The following VPS13A variants were observed in gnomAD, a reference collection of about 807,000 sequenced individuals.
VPS13A encodes the protein vacuolar protein sorting 13 homolog A, also known as intermembrane lipid transfer protein VPS13A.
Under a neutral mutation model 390.9 loss-of-function variants are expected in VPS13A, and 264 were observed. The observed-to-expected ratio is 0.68, with a 90% CI of 0.61 to 0.75. VPS13A has a LOEUF of 0.75. Among genes scored for constraint, VPS13A ranks in the 30% least tolerant of loss-of-function variants. The pLI, the probability that VPS13A is intolerant of heterozygous loss-of-function variation, is 0.00. For synonymous variants in VPS13A, 1,231 were observed against 1,227.1 expected, an observed-to-expected ratio of 1.00 and a Z score of -0.07; for missense variants, 3,409 against 3,733.9, an observed-to-expected ratio of 0.91 and a Z score of 2.27.
At chr9:77,408,462 C>T (rs955426945) in intron 71 of VPS13A, among the ~76,000 whole-genome samples, 6 of 152,158 alleles carry the variant, frequency 3.9e-5, no homozygotes, top group South Asian at 2.1e-4. Flanking sequence ...GTGGGTGCAG[C>T]GCACCGAGCG....
chr9:77,332,426 T>C (rs977039236), intron 46 of VPS13A, among the ~76,000 whole-genome samples: 2 of 149,794 alleles, frequency 1.3e-5, no homozygotes, highest in African/African-American at 5.1e-5. Flanking sequence ...TCTGAATTTA[T>C]ATATACTATT....
intron 58 of VPS13A, among the ~76,000 whole-genome samples, chr9:77,359,903 TCTTGTA>T (rs1038081199): frequency 8.5e-5 from 13 of 152,142 alleles, no homozygotes; most frequent in South Asian, 2.1e-4. Context: ...TTTATTATTC[TCTTGTA>T]CTTGTATTTG....
Position 77,337,309 on chromosome 9 carries a change from TG to T in VPS13A, c.6151del (p.Asp2051ThrfsTer6). On this transcript the variant is annotated frameshift_variant, in exon 47 of 72. Transcript: ENST00000360280. LOFTEE classifies it high-confidence loss of function. ...AGAACTATCAAATGTGTGAAGGAAT[TG>T]ACTTTGAAGAGATTATAAAAAATGA... The part of the protein sequence containing the change: ...DENYQMCEGI[D>X]FEEIIKNDGA... 1.9e-6 allele frequency: 3 copies of T among 1,613,210 alleles called. No homozygotes were observed. The highest frequency in any genetic ancestry group is 2.5e-6 in the Non-Finnish European group (3 of 1,179,670).
chr9:77,224,544 A>G (rs1823399926), intron 13 of VPS13A, among the ~76,000 whole-genome samples: 1 of 152,180 alleles, frequency 6.6e-6, no homozygotes, highest in Non-Finnish European at 1.5e-5. Context: ...GTCACTGCAG[A>G]TGTGGTGGAA....
At chr9:77,199,433 C>T (rs531512091) in intron 1 of VPS13A, among the ~76,000 whole-genome samples, 11 of 152,114 alleles carry the variant, frequency 7.2e-5, no homozygotes, top group Non-Finnish European at 1.6e-4. Context: ...TTCATTAATC[C>T]CATTACCTGT....
At chr9:77,226,814 T>A (rs1206574910) in intron 15 of VPS13A, among the ~76,000 whole-genome samples, 2 of 152,148 alleles carry the variant, frequency 1.3e-5, no homozygotes, top group Non-Finnish European at 2.9e-5. Context: ...AAAAGAGCTT[T>A]ATGCCCAGAG....
intron 67 of VPS13A, among the ~76,000 whole-genome samples, chr9:77,379,212 A>ATG (rs1833291164): frequency 6.7e-6 from 1 of 149,552 alleles, no homozygotes; most frequent in South Asian, 2.1e-4. Context: ...AGCTGGGATT[A>ATG]CAGGCACACA....
intron 23 of VPS13A, among the ~76,000 whole-genome samples, chr9:77,267,792 G>T (rs975397678): frequency 1.3e-5 from 2 of 152,190 alleles, no homozygotes; most frequent in African/African-American, 4.8e-5. Flanking sequence ...CAGGTGCTCC[G>T]TCCCAGGGAG....
At chr9:77,281,224 A>G (rs536670593) in intron 27 of VPS13A, among the ~76,000 whole-genome samples, 16 of 152,272 alleles carry the variant, frequency 1.1e-4, no homozygotes, top group Non-Finnish European at 2.1e-4. Flanking sequence ...TGAGATCTGT[A>G]TACAGCAGGG....
chr9:77,384,355 G>C (rs1833591142), intron 68 of VPS13A, among the ~76,000 whole-genome samples: 1 of 151,662 alleles, frequency 6.6e-6, no homozygotes, highest in South Asian at 2.1e-4. Flanking sequence ...ATACCTTATT[G>C]ATATCATCAA....
intron 1 of VPS13A, among the ~76,000 whole-genome samples, chr9:77,182,182 C>A (rs59665152): frequency 6.6e-6 from 1 of 152,176 alleles, no homozygotes; most frequent in Admixed American, 6.5e-5. Context: ...CAACCTCTGT[C>A]TCACGGCCTC....
chr9:77,209,279 CTT>C, intron 5 of VPS13A, 142 bp from the exon 6 acceptor site: 1 of 629,638 alleles, frequency 1.6e-6, no homozygotes, highest in Non-Finnish European at 2.8e-6. Context: ...TTTTGAAAGA[CTT>C]TTGGAAAGCA....
At chr9:77,408,469 A>C (rs1327302306) in intron 71 of VPS13A, among the ~76,000 whole-genome samples, 1 of 152,258 alleles carries the variant, frequency 6.6e-6, no homozygotes, top group Non-Finnish European at 1.5e-5. Context: ...CAGCGCACCG[A>C]GCGTGAGCCA....
chr9:77,258,427 C>T (rs1417772752), intron 22 of VPS13A, among the ~76,000 whole-genome samples: 1 of 152,044 alleles, frequency 6.6e-6, no homozygotes, highest in African/African-American at 2.4e-5. Flanking sequence ...GGGAGAGACC[C>T]ACACTCTTTT....
intron 71 of VPS13A, among the ~76,000 whole-genome samples, chr9:77,412,709 C>T (rs1380511712): frequency 6.6e-6 from 1 of 152,170 alleles, no homozygotes; most frequent in Non-Finnish European, 1.5e-5. Context: ...TGCCCTCTCT[C>T]ACCACTCCTA....
At chr9:77,382,468 T>A in intron 68 of VPS13A, 1 of 1,354,474 alleles carries the variant, frequency 7.4e-7, no homozygotes, top group Non-Finnish European at 9.5e-7. Context: ...GTGTTCTTAG[T>A]TCTGCACTGG....
At chr9:77,295,300 A>G (rs1827916315) in intron 32 of VPS13A, among the ~76,000 whole-genome samples, 1 of 152,144 alleles carries the variant, frequency 6.6e-6, no homozygotes, top group South Asian at 2.1e-4. Context: ...AAGACATTCC[A>G]GTGATCCCAT....
rs1554885537 is a variant in VPS13A at position 77,306,414 on chromosome 9, T to TTTGTGTGTG, written c.3961-1530_3961-1529insTGTGTGTGT. ...AGAGAGAGAGAGAGTGTGTGTGTGTTTGTGTGTGTGTGTGTGTGTGTGTGT... is the reference window on the plus strand; with the variant it reads ...AGAGAGAGAGAGAGTGTGTGTGTGTTTTGTGTGTGTGTGTGTGTGTGTGTGTGTGTGTGT... On this transcript the variant is annotated intron_variant, in intron 34 of 71. Coordinates refer to ENST00000360280, the MANE Select transcript of VPS13A (RefSeq NM_033305.3). Among the ~76,000 whole-genome samples, 13 of 140,880 alleles carry TTTGTGTGTG rather than the reference T, an allele frequency of 9.2e-5. No individual in the cohort carries two copies. In the East Asian group the frequency reaches 2.7e-3, roughly 29 times the overall value. The allele number at this position is 140,880 out of a possible 152,430, so 92.4% of individuals were successfully genotyped here.
intron 32 of VPS13A, among the ~76,000 whole-genome samples, chr9:77,294,997 A>C (rs1159878802): frequency 6.6e-6 from 1 of 151,760 alleles, no homozygotes; most frequent in African/African-American, 2.4e-5. Flanking sequence ...AACCAAAAAA[A>C]TCATGTCACT....
Sources: gnomAD v4.1 joint callset for allele counts (sites outside exome capture counted in the v4.1 genomes callset) on GRCh38, gnomAD v4.1.1 for gene constraint, MANE v1.5 for transcripts, NCBI Gene and HGNC (gene_info 2026-07-23, HGNC 2026-07-21) for gene names.